The following RARS1 variants were observed in gnomAD, a reference collection of about 807,000 sequenced individuals.
RARS1 encodes the protein arginyl-tRNA synthetase 1.
In RARS1, 75 loss-of-function variants were observed where a neutral mutation model predicts 78.7. That is an observed-to-expected ratio of 0.95 (90% CI 0.79 to 1.15). The LOEUF (loss-of-function observed/expected upper bound fraction) is 1.15. Among genes scored for constraint, RARS1 ranks in the 50% most tolerant of loss-of-function variants. The pLI is 0.00. For missense variants in RARS1, 787 were observed against 787.5 expected (o/e 1.00, Z 0.01); for synonymous variants, 273 against 268.2 (o/e 1.02, Z -0.18).
chr5:168,517,691 A>G (rs1758699232), intron 13 of RARS1, 124 bp from the exon 14 acceptor site: 3 of 1,280,066 alleles, frequency 2.3e-6, no homozygotes, highest in South Asian at 1.6e-5. Flanking sequence ...AGTATATCGT[A>G]TAATAAAATA....
At chr5:168,516,020 G>T (rs573710799) in intron 12 of RARS1, among the ~76,000 whole-genome samples, 11 of 152,122 alleles carry the variant, frequency 7.2e-5, no homozygotes, top group Admixed American at 6.6e-4. Flanking sequence ...TTCTGCTTGG[G>T]TTCTGTCCCC....
chr5:168,505,055 T>A (rs978780255), intron 9 of RARS1, among the ~76,000 whole-genome samples: 4 of 152,150 alleles, frequency 2.6e-5, no homozygotes, highest in African/African-American at 9.7e-5. Flanking sequence ...CACAGAGAAG[T>A]TAGTATCTTC....
rs1758265443 is a variant in RARS1 at position 168,499,264 on chromosome 5, A to T, written c.823-1327A>T. 2.0e-5 allele frequency among the ~76,000 whole-genome samples: 3 copies of T among 152,224 alleles called. No homozygotes were observed. In the South Asian group the frequency reaches 6.2e-4, roughly 32 times the overall value. On this transcript the variant is annotated intron_variant, in intron 7 of 14. Transcript: ENST00000231572. ...AAGGTCAAGGCTGCATTGAGCTGTG[A>T]TCTTACTACTGTATTCCAACCTCAG...
Position 168,519,070 on chromosome 5 carries a change from T to C in RARS1, c.1874-11T>C, listed in dbSNP as rs1758731583. ...AACAAGTTAATTAACAACTTTTTTC[T>C]ATCTTTTCAGGAAAAATATTGAAGG... On this transcript the variant is annotated splice_polypyrimidine_tract_variant and intron_variant, in intron 14 of 14. Transcript: ENST00000231572. The C allele has an allele frequency of 1.9e-6, 3 of 1,595,366 alleles. No homozygotes were observed. The highest frequency in any genetic ancestry group is 2.6e-6 in the Non-Finnish European group (3 of 1,169,120).
chr5:168,494,187 C>T, intron 4 of RARS1, 185 bp downstream of exon 4: 1 of 941,986 alleles, frequency 1.1e-6, no homozygotes, highest in Middle Eastern at 5.5e-4. Flanking sequence ...CTTTTAGCTG[C>T]CTTATCTTGA....
intron 6 of RARS1, among the ~76,000 whole-genome samples, chr5:168,496,785 C>T (rs1758200475): frequency 6.6e-6 from 1 of 152,078 alleles, no homozygotes; most frequent in Admixed American, 6.5e-5. Flanking sequence ...CACCCGGCCT[C>T]AACATATATT....
chr5:168,492,184 A>C (rs1307483011), intron 2 of RARS1, among the ~76,000 whole-genome samples: 1 of 152,218 alleles, frequency 6.6e-6, no homozygotes. Context: ...ACAGTAAAAC[A>C]AAACTACTGG....
At chr5:168,516,686 A>T in intron 12 of RARS1, 92 bp from the exon 13 acceptor site, 1 of 1,235,966 alleles carries the variant, frequency 8.1e-7, no homozygotes, top group Non-Finnish European at 1.1e-6. Context: ...GAATACCATT[A>T]GATGTTCCCT....
At chr5:168,492,987 G>T (rs770490406) in intron 3 of RARS1, 140 bp downstream of exon 3, 22 of 802,760 alleles carry the variant, frequency 2.7e-5, no homozygotes, top group East Asian at 1.8e-4. Context: ...CTTGAGAAAG[G>T]AGTTGGGGGG....
At chr5:168,510,528 TC>T in intron 11 of RARS1, 52 bp from the exon 12 acceptor site, 2 of 1,355,222 alleles carry the variant, frequency 1.5e-6, no homozygotes, top group Non-Finnish European at 2.1e-6. Context: ...TTCAAAGATT[TC>T]TAAGTTGAAA....
At position 168,506,021 on chromosome 5, in the gene RARS1, G is replaced by T; in HGVS notation, c.1058G>T (p.Gly353Val). The T allele has an allele frequency of 6.3e-7, 1 of 1,595,228 alleles. No individual in the cohort carries two copies. Among genetic ancestry groups the T allele is most frequent in the Middle Eastern group, 2.1e-4 (1 of 4,662 alleles). ...TAATGAAGTGTTTTTTACCCCCTAG[G>T]ATTTGTGCAGGTGGATGATGGCAGA... ...NDIVKEFEDR[G>V]FVQVDDGRKI... The change falls in exon 10 of 15, where the codon GGA becomes GTA. Residue 353 changes from glycine to valine, a missense_variant and splice_region_variant. Transcript: ENST00000231572.
chr5:168,490,556 T>C lies in RARS1; in HGVS notation c.180+1820T>C, dbSNP rs141864227. On this transcript the variant is annotated intron_variant, in intron 2 of 14. Coordinates refer to ENST00000231572, the MANE Select transcript of RARS1 (RefSeq NM_002887.4). ...CATATTGGTTCTTTGACAAATACTT[T>C]GCCCTACTGAATGAGCAGCTGAACA... 1.9e-3 allele frequency among the ~76,000 whole-genome samples: 286 copies of C among 152,310 alleles called. 2 individuals carry two copies. Among genetic ancestry groups the C allele is most frequent in the African/African-American group, 6.5e-3 (269 of 41,580 alleles).
At chr5:168,500,150 C>T (rs1021275051) in intron 7 of RARS1, among the ~76,000 whole-genome samples, 1 of 96,548 alleles carries the variant, frequency 1.0e-5, no homozygotes, top group South Asian at 2.7e-4. Context: ...TCATGCCACT[C>T]CAGCCACTCC....
chr5:168,502,681 C>G (rs974942234), intron 9 of RARS1, among the ~76,000 whole-genome samples: 6 of 149,844 alleles, frequency 4.0e-5, no homozygotes, highest in African/African-American at 1.5e-4. Flanking sequence ...AAGCAGTTCT[C>G]CTGCCTCAGC....
chr5:168,492,856 T>C lies in RARS1; in HGVS notation c.369+9T>C, dbSNP rs779351615. Reference sequence around the variant, plus strand: ...CTATGGGTATTTCTCAGGTGATGTATTGTCATGACTCTTGGCTGTTTGATT... The same window carrying C: ...CTATGGGTATTTCTCAGGTGATGTACTGTCATGACTCTTGGCTGTTTGATT... On this transcript the variant is annotated intron_variant, in intron 3 of 14. Transcript: ENST00000231572. The C allele has an allele frequency of 3.8e-6, 6 of 1,579,600 alleles. No individual in the cohort carries two copies. The highest frequency in any genetic ancestry group is 5.2e-6 in the Non-Finnish European group (6 of 1,151,456).
chr5:168,493,633 CAAAAAA>C (rs35001933), intron 3 of RARS1, among the ~76,000 whole-genome samples: 1 of 78,242 alleles, frequency 1.3e-5, no homozygotes, highest in African/African-American at 4.6e-5. Context: ...GACTCCATCT[CAAAAAA>C]AAAAAAAAAA....
chr5:168,506,921 C>A, intron 11 of RARS1, 90 bp downstream of exon 11: 1 of 1,072,200 alleles, frequency 9.3e-7, no homozygotes, highest in African/African-American at 1.6e-5. Context: ...TAAGAAAGTC[C>A]ACAGTTTCCT....
chr5:168,517,351 C>A (rs1758691335), intron 13 of RARS1, among the ~76,000 whole-genome samples: 1 of 152,142 alleles, frequency 6.6e-6, no homozygotes, highest in Non-Finnish European at 1.5e-5. Flanking sequence ...CCATGTTGGC[C>A]AGGCAGGTCT....
At chr5:168,495,572 A>G (rs908294152) in intron 6 of RARS1, 136 bp downstream of exon 6, 31 of 1,338,862 alleles carry the variant, frequency 2.3e-5, no homozygotes, top group Non-Finnish European at 2.9e-5. Context: ...CTTCTTTACA[A>G]CCACCCAGTA....
Sources: gnomAD v4.1 joint callset for allele counts (sites outside exome capture counted in the v4.1 genomes callset) on GRCh38, gnomAD v4.1.1 for gene constraint, MANE v1.5 for transcripts, NCBI Gene and HGNC (gene_info 2026-07-23, HGNC 2026-07-21) for gene names.